PDILT: variants seen among roughly 807,000 people sequenced by gnomAD.
PDILT encodes the protein protein disulfide-isomerase-like protein of the testis.
A neutral mutation model predicts 53.7 loss-of-function variants in PDILT; 43 were observed. The ratio of observed to expected loss-of-function variants is 0.80; its 90% CI spans 0.63 to 1.03. The LOEUF (loss-of-function observed/expected upper bound fraction) is 1.03. PDILT is among the 50% of genes least tolerant of loss of function. The probability of loss-of-function intolerance (pLI) is 0.00; values close to 1 mark genes in which losing one functional copy is unlikely to be tolerated. For missense variants in PDILT, 727 were observed against 712.3 expected (o/e 1.02, Z -0.24); for synonymous variants, 282 against 274.2 (o/e 1.03, Z -0.28).
At position 20,404,670 on chromosome 16, in the gene PDILT, T is replaced by A. The variant is rs1054274965; in HGVS notation, c.-182A>T. ...GCAGACGACTGGGCATTCTAAAGAA[T>A]CCACAGGCAGAAATGAAGTCCCTTC... On this transcript the variant is annotated 5_prime_UTR_variant, in exon 1 of 12. Coordinates refer to ENST00000302451, the MANE Select transcript of PDILT (RefSeq NM_174924.2). 6.6e-6 allele frequency: 1 copy of A among 152,260 alleles called. No homozygotes were observed. Among genetic ancestry groups the A allele is most frequent in the Non-Finnish European group, 1.5e-5 (1 of 68,128 alleles). The allele number at this position is 152,260 out of a possible 1,614,324, so 9.4% of individuals were successfully genotyped here.
At position 20,362,508 on chromosome 16, in the gene PDILT, A is replaced by G. The variant is rs764688950; in HGVS notation, c.1312T>C (p.Ser438Pro). 5 of 1,613,884 alleles carry G rather than the reference A, an allele frequency of 3.1e-6. No individual in the cohort carries two copies. In the African/African-American group the frequency reaches 4.0e-5, roughly 13 times the overall value. The stretch of plus-strand genomic sequence containing the variant: ...TCGATCTTGGCAATGATAATTGTGG[A>G]GTGGTTTTGATATTTTCTGCCCAAT... ...EELGRKYQNH[S>P]TIIIAKIDVT... Residue 438 changes from serine to proline, a missense_variant, in exon 10 of 12, where the codon TCC becomes CCC. Transcript: ENST00000302451.
chr16:20,365,533 T>C lies in PDILT; in HGVS notation c.1124A>G (p.Gln375Arg), dbSNP rs1966178152. 1.2e-6 allele frequency: 2 copies of C among 1,614,040 alleles called. No homozygotes were observed. Among genetic ancestry groups the C allele is most frequent in the Admixed American group, 3.3e-5 (2 of 60,000 alleles). The change falls in exon 9 of 12, where the codon CAA becomes CGA. Residue 375 changes from glutamine (Q) to arginine (R), a missense_variant. By Grantham distance (43) the Gln-to-Arg change is conservative. Transcript: ENST00000302451. ...GTATTTTGGAATCTCTTCACTGGAT[T>C]GATGTTTCTAGGAAGCACATTTGAG... ...SFLSKNATKH[Q>R]SSEEIPKYWD...
intron 1 of PDILT, among the ~76,000 whole-genome samples, chr16:20,400,040 ATCTATCTATCTATC>A (rs1169301179): frequency 1.1e-3 from 140 of 125,796 alleles, no homozygotes; most frequent in African/African-American, 4.2e-3. Flanking sequence ...CTATCTATCT[ATCTATCTATCTATC>A]TATATATATA....
chr16:20,375,712 G>A (rs1360334029), intron 4 of PDILT, among the ~76,000 whole-genome samples: 1 of 152,114 alleles, frequency 6.6e-6, no homozygotes, highest in Non-Finnish European at 1.5e-5. Context: ...GAGGATGCTT[G>A]GAAAGAGGTT....
At chr16:20,362,881 G>A (rs1430628442) in intron 9 of PDILT, among the ~76,000 whole-genome samples, 3 of 151,932 alleles carry the variant, frequency 2.0e-5, no homozygotes, top group Non-Finnish European at 4.4e-5. Context: ...AGATCAGCCT[G>A]ACCAACATGG....
chr16:20,393,077 T>C (rs1292972641), intron 2 of PDILT, among the ~76,000 whole-genome samples: 1 of 152,138 alleles, frequency 6.6e-6, no homozygotes, highest in Non-Finnish European at 1.5e-5. Context: ...GCAAAAGAGA[T>C]GGTTTGGATG....
At chr16:20,387,162 T>C (rs1312253331) in intron 2 of PDILT, among the ~76,000 whole-genome samples, 2 of 152,118 alleles carry the variant, frequency 1.3e-5, no homozygotes, top group African/African-American at 4.8e-5. Context: ...AGTGAACAGA[T>C]AAAAACCCCT....
rs181200384 is a variant in PDILT, at chr16:20,378,961, C to T, written c.410-2760G>A. Among the ~76,000 whole-genome samples, 73 of 152,122 alleles carry T rather than the reference C, an allele frequency of 4.8e-4. 1 individual carries two copies. Among genetic ancestry groups the T allele is most frequent in the African/African-American group, 1.5e-3 (64 of 41,506 alleles). ...ATTCATTTCCACTGCTGTGAATATCCCACAACTTATTTGTCCATTCTCTGC... is the reference window on the plus strand; with the variant it reads ...ATTCATTTCCACTGCTGTGAATATCTCACAACTTATTTGTCCATTCTCTGC... On this transcript the variant is annotated intron_variant, in intron 3 of 11. Transcript: ENST00000302451.
chr16:20,377,392 G>C (rs1217935541), intron 3 of PDILT, among the ~76,000 whole-genome samples: 6 of 152,076 alleles, frequency 3.9e-5, no homozygotes, highest in Non-Finnish European at 8.8e-5. Context: ...TTATTTACTT[G>C]GCAAATATGT....
At chr16:20,363,194 T>A (rs1391960718) in intron 9 of PDILT, among the ~76,000 whole-genome samples, 1 of 152,114 alleles carries the variant, frequency 6.6e-6, no homozygotes, top group Non-Finnish European at 1.5e-5. Context: ...TTTTCTTCTA[T>A]TTTTTTGTTT....
At chr16:20,365,300 C>A in intron 9 of PDILT, 120 bp downstream of exon 9, 1 of 1,130,642 alleles carries the variant, frequency 8.8e-7, no homozygotes, top group Non-Finnish European at 1.3e-6. Context: ...TATCTGAAGA[C>A]CATCCTTGGC....
rs144503743 is a variant in PDILT at position 20,369,646 on chromosome 16, C to T, written c.962G>A (p.Arg321His). ...LVDADEPRNG[R>H]VFKYFRVTEV... is the part of the protein sequence containing the mutation. ...TGTGACCCGGAAGTACTTGAAGACA[C>T]GTCCATTTCTGGGTTCGTCTGCATC... Residue 321 changes from arginine (R) to histidine (H), a missense_variant, in exon 8 of 12, where the codon CGT (arginine) becomes CAT (histidine). Coordinates refer to ENST00000302451, the MANE Select transcript of PDILT (RefSeq NM_174924.2). 1.6e-4 allele frequency: 261 copies of T among 1,614,194 alleles called. 1 individual carries two copies. In the East Asian group the frequency reaches 2.4e-3, roughly 15 times the overall value.
intron 2 of PDILT, among the ~76,000 whole-genome samples, chr16:20,395,335 T>G (rs1047810206): frequency 3.3e-5 from 5 of 152,164 alleles, no homozygotes; most frequent in African/African-American, 1.2e-4. Flanking sequence ...CTGGGAAAGT[T>G]TGATTTTTTT....
chr16:20,395,833 A>G (rs540257276), intron 2 of PDILT, among the ~76,000 whole-genome samples: 1 of 152,296 alleles, frequency 6.6e-6, no homozygotes, highest in East Asian at 1.9e-4. Flanking sequence ...CCTCTCACAC[A>G]TGATTGCTGC....
At chr16:20,360,773 A>G in intron 10 of PDILT, 116 bp from the exon 11 acceptor site, 2 of 735,984 alleles carry the variant, frequency 2.7e-6, no homozygotes, top group South Asian at 3.2e-5. Flanking sequence ...TATGTTATGC[A>G]GGTTCCCTAA....
At chr16:20,385,493 A>G (rs879391509) in intron 2 of PDILT, among the ~76,000 whole-genome samples, 45 of 152,182 alleles carry the variant, frequency 3.0e-4, no homozygotes, top group African/African-American at 1.1e-3. Flanking sequence ...TGCTTCCATT[A>G]TTATAGTAAA....
At chr16:20,362,844 CG>C (rs1248689525) in intron 9 of PDILT, among the ~76,000 whole-genome samples, 1 of 151,846 alleles carries the variant, frequency 6.6e-6, no homozygotes, top group Non-Finnish European at 1.5e-5. Flanking sequence ...GAGGCTGAGG[CG>C]GGTGGATCAC....
intron 2 of PDILT, among the ~76,000 whole-genome samples, chr16:20,387,563 A>AT (rs1966556090): frequency 6.6e-6 from 1 of 152,142 alleles, no homozygotes; most frequent in South Asian, 2.1e-4. Flanking sequence ...ATGGAATGGT[A>AT]CCAGAGGGTT....
In PDILT at chr16:20,376,813, T is replaced by G. The variant is rs1483921549; in HGVS notation, c.410-612A>C. Among the ~76,000 whole-genome samples, 56 of 152,154 alleles carry G rather than the reference T, an allele frequency of 3.7e-4. 1 individual carries two copies. Reference sequence around the variant, plus strand: ...GTGTCAAGCACACAAAAGTCTTAGCTTCCAAAATTAAGACACATATACTAT... The same window carrying G: ...GTGTCAAGCACACAAAAGTCTTAGCGTCCAAAATTAAGACACATATACTAT... On this transcript the variant is annotated intron_variant, in intron 3 of 11. Transcript: ENST00000302451.
Sources: allele counts gnomAD v4.1 joint callset (sites outside exome capture counted in the v4.1 genomes callset), GRCh38; gene constraint gnomAD v4.1.1; transcripts MANE v1.5; gene names NCBI Gene and HGNC (gene_info 2026-07-23, HGNC 2026-07-21).